The following CAST variants were observed in gnomAD, a reference collection of about 807,000 sequenced individuals.
CAST encodes MIR583 host.
A neutral mutation model predicts 119.6 loss-of-function variants in CAST; 76 were observed. The ratio of observed to expected loss-of-function variants is 0.64; its 90% CI spans 0.53 to 0.77. The LOEUF is 0.77. Among genes scored for constraint, CAST ranks in the 30% least tolerant of loss-of-function variants. The pLI is 0.00. For missense variants in CAST, 953 were observed against 946.5 expected, an observed-to-expected ratio of 1.01 and a Z score of -0.09; for synonymous variants, 319 against 331.6, an observed-to-expected ratio of 0.96 and a Z score of 0.41.
At chr5:96,157,472 G>C in the CAST span, among the ~76,000 whole-genome samples, 4 of 152,230 alleles carry the variant, frequency 2.6e-5, no homozygotes, top group African/African-American at 9.6e-5. Context: ...AAAGACAAAA[G>C]TATACTCACT....
At chr5:96,580,459 C>G (rs1272919475) in intron 1 of CAST, among the ~76,000 whole-genome samples, 3 of 152,200 alleles carry the variant, frequency 2.0e-5, no homozygotes, top group African/African-American at 7.2e-5. Context: ...AACGTAAATA[C>G]TGAAGTCAGC....
the CAST span, among the ~76,000 whole-genome samples, chr5:96,057,149 T>C: frequency 6.6e-6 from 1 of 152,306 alleles, no homozygotes; most frequent in Admixed American, 6.5e-5. Context: ...TGAACATGAT[T>C]GAACATTTGG....
chr5:96,219,158 T>C, the CAST span, among the ~76,000 whole-genome samples: 1 of 152,292 alleles, frequency 6.6e-6, no homozygotes, highest in Middle Eastern at 3.4e-3. Flanking sequence ...TTGAGCTATG[T>C]CATGACAGAT....
chr5:96,507,410 G>A, the CAST span, among the ~76,000 whole-genome samples: 1 of 152,084 alleles, frequency 6.6e-6, no homozygotes, highest in East Asian at 1.9e-4. Context: ...TCTTACCTGT[G>A]GTTAAACAGA....
At chr5:96,648,696 G>C (rs924774932) in intron 1 of CAST, among the ~76,000 whole-genome samples, 1 of 146,120 alleles carries the variant, frequency 6.8e-6, no homozygotes, top group African/African-American at 2.5e-5. Context: ...GAAACTGGGA[G>C]AAGTTTTATT....
intron 18 of CAST, among the ~76,000 whole-genome samples, chr5:96,748,003 C>T (rs1391194895): frequency 6.6e-6 from 1 of 152,102 alleles, no homozygotes; most frequent in Non-Finnish European, 1.5e-5. Flanking sequence ...AATCACATGC[C>T]CTTCTATCAT....
At chr5:96,646,749 A>C (rs896999649) in intron 1 of CAST, among the ~76,000 whole-genome samples, 1 of 152,182 alleles carries the variant, frequency 6.6e-6, no homozygotes, top group Non-Finnish European at 1.5e-5. Context: ...TAAACACAGC[A>C]TTTCTTTGTC....
the CAST span, among the ~76,000 whole-genome samples, chr5:96,453,194 C>T: frequency 8.7e-3 from 1,330 of 152,268 alleles, 24 homozygotes; most frequent in African/African-American, 0.031. Context: ...GCAGAAACAG[C>T]TACTCGAAAA....
chr5:96,324,435 A>G, the CAST span, among the ~76,000 whole-genome samples: 3 of 152,342 alleles, frequency 2.0e-5, no homozygotes, highest in East Asian at 5.8e-4. Context: ...AATCGTAATT[A>G]GAATGTCCTT....
At chr5:96,302,535 C>A in the CAST span, among the ~76,000 whole-genome samples, 2 of 152,136 alleles carry the variant, frequency 1.3e-5, no homozygotes, top group Non-Finnish European at 2.9e-5. Flanking sequence ...GTTCCACTTT[C>A]AGGTCATTTC....
At chr5:96,069,863 T>C in the CAST span, among the ~76,000 whole-genome samples, 1 of 150,936 alleles carries the variant, frequency 6.6e-6, no homozygotes, top group Non-Finnish European at 1.5e-5. Flanking sequence ...CAAATCCAAA[T>C]TATGCAAGCC....
intron 1 of CAST, among the ~76,000 whole-genome samples, chr5:96,636,337 A>C (rs1161462440): frequency 6.6e-6 from 1 of 152,168 alleles, no homozygotes; most frequent in Admixed American, 6.5e-5. Context: ...TAGTGGGAAA[A>C]ATTTGGTATT....
intron 1 of CAST, among the ~76,000 whole-genome samples, chr5:96,583,362 G>C (rs2061278): frequency 0.06 from 9,150 of 152,084 alleles, 839 homozygotes; most frequent in East Asian, 0.32. Context: ...AAAACACTCA[G>C]TTCTTTCTCT....
At chr5:96,244,931 C>T in the CAST span, among the ~76,000 whole-genome samples, 3 of 152,214 alleles carry the variant, frequency 2.0e-5, no homozygotes, top group East Asian at 5.8e-4. Context: ...GGCAAAATGG[C>T]ATGCGGAGCA....
chr5:96,455,546 C>T, the CAST span, among the ~76,000 whole-genome samples: 127 of 152,352 alleles, frequency 8.3e-4, no homozygotes, highest in Middle Eastern at 3.4e-3. Context: ...TTAGTTGCAA[C>T]AGCTAAGGAG....
chr5:96,174,969 A>G, the CAST span, among the ~76,000 whole-genome samples: 2 of 152,282 alleles, frequency 1.3e-5, no homozygotes, highest in South Asian at 4.1e-4. Flanking sequence ...AATAATTTTT[A>G]TCAAGGTAAT....
At chr5:96,270,369 A>G in the CAST span, among the ~76,000 whole-genome samples, 1 of 152,156 alleles carries the variant, frequency 6.6e-6, no homozygotes, top group African/African-American at 2.4e-5. Flanking sequence ...TTTATTTAAC[A>G]TAATACTGGA....
the CAST span, among the ~76,000 whole-genome samples, chr5:96,469,055 A>G: frequency 6.6e-6 from 1 of 152,122 alleles, no homozygotes; most frequent in Non-Finnish European, 1.5e-5. Flanking sequence ...ACTATTATGG[A>G]AGAACACTGT....
At chr5:95,967,164 A>G in the CAST span, among the ~76,000 whole-genome samples, 1 of 152,144 alleles carries the variant, frequency 6.6e-6, no homozygotes. Context: ...TGGGGAGGGA[A>G]TGTTTGTTTA....
Sources: allele counts gnomAD v4.1 joint callset (sites outside exome capture counted in the v4.1 genomes callset), GRCh38; gene constraint gnomAD v4.1.1; transcripts MANE v1.5; gene names NCBI Gene and HGNC (gene_info 2026-07-23, HGNC 2026-07-21).